Variants in ENTREP2 observed in about 807,000 individuals in gnomAD.
ENTREP2 encodes endosomal transmembrane epsin interactor 2.
At chr15:29,491,277 G>C in the ENTREP2 span, among the ~76,000 whole-genome samples, 1 of 152,204 alleles carries the variant, frequency 6.6e-6, no homozygotes, top group African/African-American at 2.4e-5. Context: ...CCCGTAAGCA[G>C]AGGGAGCTGG....
At chr15:29,221,328 A>G in the ENTREP2 span, among the ~76,000 whole-genome samples, 1 of 151,946 alleles carries the variant, frequency 6.6e-6, no homozygotes, top group South Asian at 2.1e-4. Flanking sequence ...CAGCCTCCCA[A>G]GTAGCTGGGA....
the ENTREP2 span, among the ~76,000 whole-genome samples, chr15:29,514,059 G>A: frequency 6.6e-6 from 1 of 152,130 alleles, no homozygotes; most frequent in Non-Finnish European, 1.5e-5. Context: ...CAAGTGTTTT[G>A]CTTCTGTTTC....
chr15:29,671,549 C>T, the ENTREP2 span, among the ~76,000 whole-genome samples: 5 of 152,022 alleles, frequency 3.3e-5, no homozygotes, highest in African/African-American at 1.2e-4. Flanking sequence ...CTGGCTGGTG[C>T]GGGAAAAAAT....
At chr15:29,591,122 CTGTAA>C in the ENTREP2 span, among the ~76,000 whole-genome samples, 3 of 152,104 alleles carry the variant, frequency 2.0e-5, no homozygotes, top group African/African-American at 7.2e-5. Flanking sequence ...TAAAAAAACA[CTGTAA>C]TGTACCAAAA....
the ENTREP2 span, chr15:29,126,127 G>C: frequency 1.4e-6 from 1 of 697,402 alleles, no homozygotes. Flanking sequence ...TGGCTCAGGG[G>C]CCATCAAGAC....
the ENTREP2 span, among the ~76,000 whole-genome samples, chr15:29,669,201 C>T: frequency 6.6e-6 from 1 of 152,154 alleles, no homozygotes; most frequent in Middle Eastern, 3.2e-3. Context: ...GAGCGAGACT[C>T]CATCTCAAAA....
At chr15:29,180,292 C>T in the ENTREP2 span, among the ~76,000 whole-genome samples, 479 of 152,302 alleles carry the variant, frequency 3.1e-3, 3 homozygotes, top group African/African-American at 0.011. Flanking sequence ...AAAGCAAAAT[C>T]TCAACTAACA....
At chr15:29,136,322 G>C in the ENTREP2 span, 2 of 1,459,230 alleles carry the variant, frequency 1.4e-6, no homozygotes, top group Non-Finnish European at 1.8e-6. Context: ...GGTGTCCCTA[G>C]CATTCCCACG....
the ENTREP2 span, among the ~76,000 whole-genome samples, chr15:29,241,144 A>C: frequency 2.6e-5 from 4 of 152,212 alleles, no homozygotes; most frequent in Non-Finnish European, 5.9e-5. Flanking sequence ...TTAGTGCCTG[A>C]CTATATCTAA....
At chr15:29,576,376 A>C in the ENTREP2 span, among the ~76,000 whole-genome samples, 2 of 152,246 alleles carry the variant, frequency 1.3e-5, no homozygotes, top group African/African-American at 2.4e-5. Context: ...GAAGTCTTAG[A>C]AGAAAACATA....
At chr15:29,613,140 A>G in the ENTREP2 span, among the ~76,000 whole-genome samples, 1 of 152,232 alleles carries the variant, frequency 6.6e-6, no homozygotes, top group Admixed American at 6.5e-5. Context: ...TAACAAAAGT[A>G]CAGCCTTATG....
chr15:29,248,014 T>C, the ENTREP2 span, among the ~76,000 whole-genome samples: 1 of 152,220 alleles, frequency 6.6e-6, no homozygotes. Context: ...ATCTCTAGCC[T>C]CCTTGATGAT....
the ENTREP2 span, among the ~76,000 whole-genome samples, chr15:29,154,151 A>G: frequency 1.2e-4 from 18 of 152,322 alleles, no homozygotes; most frequent in African/African-American, 4.3e-4. Context: ...CTTTGCTGAA[A>G]TTATTAGTTC....
At chr15:29,656,901 G>C in the ENTREP2 span, among the ~76,000 whole-genome samples, 1 of 152,100 alleles carries the variant, frequency 6.6e-6, no homozygotes, top group South Asian at 2.1e-4. Context: ...GTACACAAAC[G>C]TTTAAAGCAG....
the ENTREP2 span, among the ~76,000 whole-genome samples, chr15:29,531,473 A>C: frequency 6.6e-6 from 1 of 152,256 alleles, no homozygotes; most frequent in Middle Eastern, 3.4e-3. Flanking sequence ...CTGAGGTCTG[A>C]AACTGGGCAG....
At chr15:29,317,275 C>T in the ENTREP2 span, among the ~76,000 whole-genome samples, 2 of 152,172 alleles carry the variant, frequency 1.3e-5, no homozygotes, top group South Asian at 2.1e-4. Context: ...TTTGTGGGAC[C>T]GCAGTTGCTA....
chr15:29,343,669 T>G, the ENTREP2 span, among the ~76,000 whole-genome samples: 1 of 152,092 alleles, frequency 6.6e-6, no homozygotes, highest in Admixed American at 6.5e-5. Context: ...ACGGGAACAC[T>G]TGGAGGATTC....
At chr15:29,516,060 A>C in the ENTREP2 span, among the ~76,000 whole-genome samples, 8 of 152,120 alleles carry the variant, frequency 5.3e-5, no homozygotes, top group Non-Finnish European at 7.4e-5. Context: ...GAGGTTCTTA[A>C]ATGTTGCTGC....
chr15:29,120,650 AGGG>A, the ENTREP2 span: 1 of 152,252 alleles, frequency 6.6e-6, no homozygotes, highest in Non-Finnish European at 1.5e-5. Context: ...TTTGGGTCTC[AGGG>A]GAGGGCAGGG....
Sources: allele counts gnomAD v4.1 joint callset (sites outside exome capture counted in the v4.1 genomes callset), GRCh38; gene constraint gnomAD v4.1.1; transcripts MANE v1.5; gene names NCBI Gene and HGNC (gene_info 2026-07-23, HGNC 2026-07-21).